The following RNF169 variants were observed in gnomAD, a reference collection of about 807,000 sequenced individuals.
RNF169 encodes the protein ring finger protein 169.
A neutral mutation model predicts 53.9 loss-of-function variants in RNF169; 24 were observed. That is an observed-to-expected ratio of 0.45 (90% CI 0.32 to 0.63). RNF169 has a LOEUF of 0.63. Among genes scored for constraint, RNF169 ranks in the 20% least tolerant of loss-of-function variants. The pLI is 0.04. For synonymous variants in RNF169, 396 were observed against 363.5 expected, an observed-to-expected ratio of 1.09 and a Z score of -1.02; for missense variants, 883 against 906.2, an observed-to-expected ratio of 0.97 and a Z score of 0.33.
In RNF169 at chr11:74,835,559, C is replaced by G; in HGVS notation, c.956C>G (p.Thr319Ser). 6.2e-7 allele frequency: 1 copy of G among 1,613,678 alleles called. No individual in the cohort carries two copies. The highest frequency in any genetic ancestry group is 1.1e-5 in the South Asian group (1 of 91,052). Residue 319 changes from threonine to serine, a missense_variant, in exon 6 of 6, where the codon ACT becomes AGT. Thr to Ser is a moderately conservative substitution (Grantham distance 58). This residue lies in a region of RNF169 where 219 missense variants were observed against 289.1 expected (regional missense o/e 0.76). Coordinates refer to ENST00000299563, the MANE Select transcript of RNF169 (RefSeq NM_001098638.2). The stretch of plus-strand genomic sequence containing the variant: ...AATCTCTTTCAGGTCACAACTATGA[C>G]TCCAGCCTCCAACCCCATCATTGGT... ...PGNKAKVTTM[T>S]PASNPIIGVL...
intron 1 of RNF169, among the ~76,000 whole-genome samples, chr11:74,761,793 C>T (rs936191729): frequency 1.1e-4 from 16 of 147,158 alleles, no homozygotes; most frequent in African/African-American, 2.3e-4. Context: ...TGGAGTTGCT[C>T]TTCTCGAGGA....
intron 2 of RNF169, among the ~76,000 whole-genome samples, chr11:74,797,855 A>G (rs2035671643): frequency 6.6e-6 from 1 of 152,200 alleles, no homozygotes; most frequent in South Asian, 2.1e-4. Flanking sequence ...GCCATGGCAG[A>G]AGAACATGGA....
chr11:74,829,514 A>G lies in RNF169; in HGVS notation c.843-5162A>G, dbSNP rs112881040. 5.9e-3 allele frequency among the ~76,000 whole-genome samples: 897 copies of G among 152,274 alleles called. 7 individuals carry two copies. Among genetic ancestry groups the G allele is most frequent in the African/African-American group, 0.021 (852 of 41,496 alleles). On this transcript the variant is annotated intron_variant, in intron 4 of 5. Coordinates refer to ENST00000299563, the MANE Select transcript of RNF169 (RefSeq NM_001098638.2). The stretch of plus-strand genomic sequence containing the variant: ...TAGGTATATACACAAAGGAATATAT[A>G]TCATTCCCTTATAAAAATACACGCA...
intron 3 of RNF169, among the ~76,000 whole-genome samples, chr11:74,812,607 G>A (rs886770496): frequency 1.3e-5 from 2 of 151,846 alleles, no homozygotes; most frequent in African/African-American, 4.9e-5. Context: ...GTGTGCCTGG[G>A]CTGCTTTTAT....
chr11:74,778,366 AT>A (rs1163723896), intron 1 of RNF169, among the ~76,000 whole-genome samples: 5 of 151,802 alleles, frequency 3.3e-5, no homozygotes, highest in African/African-American at 7.3e-5. Context: ...GTTATCACGA[AT>A]TTTTTTTCCA....
chr11:74,784,498 A>G (rs1053953301), intron 1 of RNF169, among the ~76,000 whole-genome samples: 5 of 152,228 alleles, frequency 3.3e-5, no homozygotes, highest in Admixed American at 6.5e-5. Flanking sequence ...GGGAAAACCC[A>G]TCACAAGCTT....
chr11:74,826,523 C>T (rs2036100427), intron 4 of RNF169, among the ~76,000 whole-genome samples: 1 of 152,136 alleles, frequency 6.6e-6, no homozygotes, highest in African/African-American at 2.4e-5. Context: ...TGGCCCCTCC[C>T]AAATATCATG....
intron 1 of RNF169, among the ~76,000 whole-genome samples, chr11:74,779,669 C>T (rs1267852702): frequency 6.6e-6 from 1 of 151,702 alleles, no homozygotes; most frequent in East Asian, 1.9e-4. Context: ...TGATTTTCTT[C>T]TCAAAAAAAA....
rs535199375 is a variant in RNF169 at position 74,823,514 on chromosome 11, T to C, written c.842+5800T>C. On this transcript the variant is annotated intron_variant, in intron 4 of 5. Transcript: ENST00000299563. ...ACTTTGGGAGGCTGAGGTGGGAGGA[T>C]TGCTTGAGCTCTGGAGTTTGAGACT... 3.2e-4 allele frequency among the ~76,000 whole-genome samples: 49 copies of C among 152,172 alleles called. No homozygotes were observed. The East Asian group carries it at 3.7e-3, about 11-fold the overall frequency.
chr11:74,807,575 T>C (rs548754493), intron 2 of RNF169, among the ~76,000 whole-genome samples: 10 of 152,300 alleles, frequency 6.6e-5, no homozygotes, highest in African/African-American at 1.9e-4. Flanking sequence ...AAATCCAGGC[T>C]CTTCAGTATT....
intron 1 of RNF169, among the ~76,000 whole-genome samples, chr11:74,751,324 G>A (rs938225136): frequency 1.3e-5 from 2 of 152,146 alleles, no homozygotes; most frequent in African/African-American, 4.8e-5. Flanking sequence ...GGGATGAAAC[G>A]TCTTTAATTT....
intron 2 of RNF169, among the ~76,000 whole-genome samples, chr11:74,792,656 C>T (rs1388865810): frequency 6.6e-6 from 1 of 152,182 alleles, no homozygotes; most frequent in Non-Finnish European, 1.5e-5. Context: ...CTGCCTCTGC[C>T]TCCCAAAGTG....
intron 1 of RNF169, among the ~76,000 whole-genome samples, chr11:74,770,930 C>T (rs1158835715): frequency 3.9e-5 from 6 of 152,168 alleles, no homozygotes; most frequent in South Asian, 4.2e-4. Context: ...CTCAGCCTCC[C>T]GAGTAGCTGG....
At chr11:74,830,108 A>G (rs1168316424) in intron 4 of RNF169, among the ~76,000 whole-genome samples, 3 of 152,230 alleles carry the variant, frequency 2.0e-5, no homozygotes, top group African/African-American at 7.2e-5. Context: ...GTAAAAGCCT[A>G]CATTATAAAA....
At chr11:74,793,935 T>C (rs141991262) in intron 2 of RNF169, among the ~76,000 whole-genome samples, 33 of 152,314 alleles carry the variant, frequency 2.2e-4, no homozygotes, top group Non-Finnish European at 4.0e-4. Flanking sequence ...TGCTTACTTA[T>C]GCATGCAGAC....
chr11:74,793,361 CAT>C (rs1253955831), intron 2 of RNF169, among the ~76,000 whole-genome samples: 1 of 152,152 alleles, frequency 6.6e-6, no homozygotes, highest in Non-Finnish European at 1.5e-5. Context: ...CTACACAACT[CAT>C]TATTACTAAT....
At position 74,839,256 on chromosome 11, in the gene RNF169, C is replaced by T. The variant is rs769400515; in HGVS notation, c.*2526C>T. 1 of 152,092 alleles carries T rather than the reference C, an allele frequency of 6.6e-6. No homozygotes were observed. The highest frequency in any genetic ancestry group is 1.5e-5 in the Non-Finnish European group (1 of 68,012). 9.4% of individuals were successfully genotyped at this position (152,092 alleles called of 1,614,324 possible). ...GTCCTTCAAATATAGGTAGAGTGGT[C>T]TAGGTTAAGGAGGGAGGAGGGTTGA... On this transcript the variant is annotated 3_prime_UTR_variant, in exon 6 of 6. Coordinates refer to ENST00000299563, the MANE Select transcript of RNF169 (RefSeq NM_001098638.2).
chr11:74,799,497 A>G (rs557835144), intron 2 of RNF169, among the ~76,000 whole-genome samples: 1 of 152,276 alleles, frequency 6.6e-6, no homozygotes, highest in South Asian at 2.1e-4. Flanking sequence ...CAGGTTACTC[A>G]GGTTATTTCT....
intron 4 of RNF169, among the ~76,000 whole-genome samples, chr11:74,821,083 C>G (rs540450068): frequency 2.6e-5 from 4 of 152,222 alleles, no homozygotes; most frequent in Admixed American, 6.5e-5. Context: ...TACTCCAAAT[C>G]TGTGTTCTTT....
Sources: allele counts gnomAD v4.1 joint callset (sites outside exome capture counted in the v4.1 genomes callset), GRCh38; gene constraint gnomAD v4.1.1; regional missense constraint gnomAD v4.1.1; transcripts MANE v1.5; gene names NCBI Gene and HGNC (gene_info 2026-07-23, HGNC 2026-07-21).